The following SAMMSON variants were observed in gnomAD, a reference collection of about 807,000 sequenced individuals.
SAMMSON encodes the protein survival associated mitochondrial melanoma specific oncogenic non-coding RNA, also known as long intergenic non-protein coding RNA 1212.
chr3:70,145,048 T>C (rs1355513454), intron 4 of SAMMSON, among the ~76,000 whole-genome samples: 2 of 152,126 alleles, frequency 1.3e-5, no homozygotes, highest in Non-Finnish European at 2.9e-5. Flanking sequence ...TACCCATCTT[T>C]CTCCCCTTAC....
intron 7 of SAMMSON, among the ~76,000 whole-genome samples, chr3:70,350,632 C>T (rs1037171331): frequency 1.3e-5 from 2 of 152,076 alleles, no homozygotes; most frequent in African/African-American, 4.8e-5. Flanking sequence ...GTCTTACTAG[C>T]TATTTCATTC....
intron 4 of SAMMSON, among the ~76,000 whole-genome samples, chr3:70,226,788 C>G (rs998058523): frequency 1.5e-5 from 2 of 136,516 alleles, no homozygotes; most frequent in Non-Finnish European, 3.2e-5. Context: ...CAATTAAAAA[C>G]AAGATATTCT....
At chr3:70,222,313 G>A (rs556629135) in intron 4 of SAMMSON, among the ~76,000 whole-genome samples, 1 of 152,184 alleles carries the variant, frequency 6.6e-6, no homozygotes, top group African/African-American at 2.4e-5. Context: ...AAGTTCTTCT[G>A]TGTTACCATG....
chr3:70,220,734 A>G (rs1701454393), intron 4 of SAMMSON, among the ~76,000 whole-genome samples: 1 of 152,168 alleles, frequency 6.6e-6, no homozygotes, highest in Non-Finnish European at 1.5e-5. Context: ...CAGGCAGTGA[A>G]AATATGGGGA....
intron 4 of SAMMSON, among the ~76,000 whole-genome samples, chr3:70,182,447 G>T (rs1040402325): frequency 3.3e-5 from 5 of 151,720 alleles, no homozygotes; most frequent in Admixed American, 6.6e-5. Flanking sequence ...TGTGTTTTAT[G>T]GGGGGAGAGT....
chr3:70,193,408 C>G (rs1231574039), intron 4 of SAMMSON, among the ~76,000 whole-genome samples: 1 of 152,312 alleles, frequency 6.6e-6, no homozygotes, highest in South Asian at 2.1e-4. Context: ...ATCCTTTCAC[C>G]TCAGCCTCCT....
chr3:70,200,509 C>T (rs915067389), intron 4 of SAMMSON, among the ~76,000 whole-genome samples: 2 of 152,144 alleles, frequency 1.3e-5, no homozygotes, highest in Non-Finnish European at 2.9e-5. Context: ...ACCCTCCTGC[C>T]CCTCAACTTC....
chr3:70,222,930 G>GTA (rs913154919), intron 4 of SAMMSON, among the ~76,000 whole-genome samples: 2 of 152,130 alleles, frequency 1.3e-5, no homozygotes, highest in African/African-American at 2.4e-5. Flanking sequence ...AGCCCAAATG[G>GTA]TATACCTACA....
chr3:70,089,586 G>T (rs574587250), intron 4 of SAMMSON, among the ~76,000 whole-genome samples: 2 of 152,028 alleles, frequency 1.3e-5, no homozygotes, highest in Middle Eastern at 6.8e-3. Flanking sequence ...CTCCCAGCAG[G>T]ACCAGTCACC....
chr3:70,169,521 T>A lies in SAMMSON; in HGVS notation n.508-79586T>A, dbSNP rs35055407. On this transcript the variant is annotated intron_variant and non_coding_transcript_variant, in intron 4 of 9. Coordinates refer to ENST00000642114, the Ensembl canonical transcript of SAMMSON. Reference sequence around the variant, plus strand: ...CTATGAAATATTTACACATGATTTTTATTTGAAAGGAAGTAGCTGGTTGCT... The same window carrying A: ...CTATGAAATATTTACACATGATTTTAATTTGAAAGGAAGTAGCTGGTTGCT... Among the ~76,000 whole-genome samples the A allele has an allele frequency of 2.3e-3, 348 of 152,168 alleles. 2 individuals are homozygous for A. The highest frequency in any genetic ancestry group is 0.011 in the South Asian group (53 of 4,830).
intron 4 of SAMMSON, chr3:70,183,259 A>T (rs1701068286): frequency 6.6e-6 from 1 of 152,190 alleles, no homozygotes; most frequent in South Asian, 2.1e-4. Context: ...GGATTTACTT[A>T]TTTGATCCTT....
intron 7 of SAMMSON, among the ~76,000 whole-genome samples, chr3:70,293,045 CAAAAAAAAAAAAAA>C (rs55990203): frequency 2.5e-4 from 19 of 74,782 alleles, no homozygotes; most frequent in African/African-American, 7.8e-4. Context: ...TGGTTTGAAG[CAAAAAAAAAAAAAA>C]AAAAAAAAAA....
chr3:70,336,814 TTGTGTGTGTGTGTGTGTGTGTG>T (rs71126494), intron 7 of SAMMSON, among the ~76,000 whole-genome samples: 1 of 126,658 alleles, frequency 7.9e-6, no homozygotes, highest in East Asian at 2.3e-4. Flanking sequence ...AATAGAAAGT[TTGTGTGTGTGTGTGTGTGTGTG>T]TGTGTGTGTG....
At chr3:70,164,426 T>C (rs1176894768) in intron 4 of SAMMSON, among the ~76,000 whole-genome samples, 1 of 152,172 alleles carries the variant, frequency 6.6e-6, no homozygotes, top group East Asian at 1.9e-4. Context: ...AAAGATCTGT[T>C]TTCTCTCTTT....
At chr3:70,331,311 G>A (rs989773930) in intron 7 of SAMMSON, among the ~76,000 whole-genome samples, 1 of 152,158 alleles carries the variant, frequency 6.6e-6, no homozygotes. Flanking sequence ...ATTGGCACTA[G>A]TGGATGAGCT....
chr3:70,157,929 C>T (rs751038443), intron 4 of SAMMSON, among the ~76,000 whole-genome samples: 1 of 152,070 alleles, frequency 6.6e-6, no homozygotes, highest in African/African-American at 2.4e-5. Flanking sequence ...CCAGAGCCCC[C>T]ACTCTTGTAC....
chr3:70,304,791 G>A (rs968252368), intron 7 of SAMMSON, among the ~76,000 whole-genome samples: 2 of 152,132 alleles, frequency 1.3e-5, no homozygotes, highest in African/African-American at 4.8e-5. Context: ...ATCTCCCGTG[G>A]CTTCTAATTC....
intron 4 of SAMMSON, among the ~76,000 whole-genome samples, chr3:70,118,181 C>G (rs922837443): frequency 4.6e-5 from 7 of 152,150 alleles, no homozygotes; most frequent in Non-Finnish European, 8.8e-5. Flanking sequence ...CTCAGCCTCC[C>G]AAAGTGCTGG....
chr3:70,044,076 G>A (rs1275626329), intron 3 of SAMMSON, among the ~76,000 whole-genome samples: 1 of 151,994 alleles, frequency 6.6e-6, no homozygotes, highest in East Asian at 1.9e-4. Context: ...AAATAAAGTA[G>A]TTATTGAAAC....
Sources: allele counts gnomAD v4.1 joint callset (sites outside exome capture counted in the v4.1 genomes callset), GRCh38; gene constraint gnomAD v4.1.1; transcripts MANE v1.5; gene names NCBI Gene and HGNC (gene_info 2026-07-23, HGNC 2026-07-21).